Variants in ATG16L1 observed in about 807,000 individuals in gnomAD.
ATG16L1 encodes autophagy related 16 like 1, also known as autophagy-related protein 16-1.
Under a neutral mutation model 88.5 loss-of-function variants are expected in ATG16L1, and 37 were observed. That is an observed-to-expected ratio of 0.42 (90% CI 0.32 to 0.55). The LOEUF (loss-of-function observed/expected upper bound fraction) is 0.55, where lower values mean the gene tolerates loss of function less well. Ranked by LOEUF, ATG16L1 falls within the 20% of genes least tolerant of loss-of-function variation. The pLI, the probability that ATG16L1 is intolerant of heterozygous loss-of-function variation, is 0.13. For synonymous variants in ATG16L1, 301 were observed against 281.0 expected (o/e 1.07, Z -0.71); for missense variants, 554 against 752.8 (o/e 0.74, Z 3.09).
At chr2:233,264,336 C>G (rs142758843) in intron 4 of ATG16L1, among the ~76,000 whole-genome samples, 241 of 152,318 alleles carry the variant, frequency 1.6e-3, no homozygotes, top group African/African-American at 5.7e-3. Context: ...TCTCCTGTGG[C>G]CGCTGTGTGT....
intron 14 of ATG16L1, among the ~76,000 whole-genome samples, chr2:233,291,246 A>C (rs1699442660): frequency 6.6e-6 from 1 of 152,168 alleles, no homozygotes; most frequent in Admixed American, 6.5e-5. Flanking sequence ...GACAATGCTC[A>C]TGGTTCCTGG....
chr2:233,283,984 A>C (rs1286726985), intron 12 of ATG16L1, among the ~76,000 whole-genome samples: 5 of 150,950 alleles, frequency 3.3e-5, no homozygotes, highest in Non-Finnish European at 7.4e-5. Context: ...AGCTGGGATT[A>C]CAGGCGCCCG....
intron 4 of ATG16L1, 36 bp from the exon 5 acceptor site, chr2:233,264,856 C>CACA (rs2125226407): frequency 6.2e-7 from 1 of 1,610,854 alleles, no homozygotes; most frequent in Non-Finnish European, 8.5e-7. Flanking sequence ...AGGGCTCTGG[C>CACA]GAGGTACTAT....
At position 233,273,708 on chromosome 2, in the gene ATG16L1, C is replaced by G. The variant is rs771541752; in HGVS notation, c.795-13C>G. 1 of 1,613,796 alleles carries G rather than the reference C, an allele frequency of 6.2e-7. No homozygotes were observed. Among genetic ancestry groups the G allele is most frequent in the East Asian group, 2.2e-5 (1 of 44,890 alleles). ...GTTTCTAAGGTTTAAACCTATCCTCCCCTCCTCTTTAGTAAGCGACTCTCG... is the reference window on the plus strand; with the variant it reads ...GTTTCTAAGGTTTAAACCTATCCTCGCCTCCTCTTTAGTAAGCGACTCTCG... On this transcript the variant is annotated splice_polypyrimidine_tract_variant and intron_variant, in intron 7 of 17. Coordinates refer to ENST00000392017, the MANE Select transcript of ATG16L1 (RefSeq NM_030803.7).
At chr2:233,289,776 A>G in intron 12 of ATG16L1, 78 bp from the exon 13 acceptor site, 9 of 1,573,410 alleles carry the variant, frequency 5.7e-6, no homozygotes, top group Non-Finnish European at 7.8e-6. Context: ...TCTGGAGGTA[A>G]GGATGCTGTG....
chr2:233,278,324 G>A (rs1286902887), intron 10 of ATG16L1, among the ~76,000 whole-genome samples: 1 of 152,160 alleles, frequency 6.6e-6, no homozygotes, highest in East Asian at 1.9e-4. Context: ...TGACGTTTTC[G>A]AGATTCAGTT....
At chr2:233,274,143 T>G in intron 8 of ATG16L1, 17 of 1,214,634 alleles carry the variant, frequency 1.4e-5, no homozygotes, top group Non-Finnish European at 1.9e-5. Flanking sequence ...GTTCACGTGC[T>G]AACGAGGATG....
intron 2 of ATG16L1, among the ~76,000 whole-genome samples, chr2:233,258,418 C>T (rs1158225336): frequency 6.6e-6 from 1 of 152,216 alleles, no homozygotes; most frequent in Non-Finnish European, 1.5e-5. Context: ...GATGGCTTGG[C>T]AGGGCCTAGC....
At chr2:233,252,896 T>C (rs979552590) in intron 1 of ATG16L1, among the ~76,000 whole-genome samples, 2 of 152,224 alleles carry the variant, frequency 1.3e-5, no homozygotes, top group Admixed American at 6.5e-5. Flanking sequence ...TCTCAAGTTA[T>C]GCTGTTGATG....
At chr2:233,275,253 C>T (rs1358178570) in intron 9 of ATG16L1, 2 of 200,662 alleles carry the variant, frequency 1.0e-5, no homozygotes, top group Non-Finnish European at 2.1e-5. Flanking sequence ...TGATGGATAC[C>T]AGGGCTGTCA....
At chr2:233,256,344 G>A in intron 2 of ATG16L1, 149 bp downstream of exon 2, 1 of 691,362 alleles carries the variant, frequency 1.4e-6, no homozygotes, top group Non-Finnish European at 2.5e-6. Context: ...CTAAAACCAT[G>A]TAATTACAAT....
At chr2:233,294,148 G>C in intron 17 of ATG16L1, 109 bp from the exon 18 acceptor site, 1 of 839,320 alleles carries the variant, frequency 1.2e-6, no homozygotes, top group East Asian at 2.8e-5. Flanking sequence ...TAAAATGGAA[G>C]TTGGAAAAAT....
chr2:233,277,353 G>A (rs3816234), intron 9 of ATG16L1: 214,618 of 456,458 alleles, frequency 0.47, 53,014 homozygotes, highest in Middle Eastern at 0.55. Context: ...TTTTTGAGAA[G>A]GTTGCACTGC....
intron 9 of ATG16L1, among the ~76,000 whole-genome samples, 153 bp downstream of exon 9, chr2:233,274,931 G>A (rs1408665924): frequency 2.0e-5 from 3 of 152,184 alleles, no homozygotes; most frequent in Non-Finnish European, 2.9e-5. Flanking sequence ...GTGAGAAATT[G>A]ATATATTTTG....
intron 12 of ATG16L1, among the ~76,000 whole-genome samples, chr2:233,288,024 T>G (rs887679852): frequency 1.3e-5 from 2 of 152,186 alleles, no homozygotes; most frequent in African/African-American, 2.4e-5. Flanking sequence ...GGAGCTTTCT[T>G]GATCTTACGG....
chr2:233,260,584 C>T (rs1230420549), intron 2 of ATG16L1, among the ~76,000 whole-genome samples: 9 of 152,330 alleles, frequency 5.9e-5, no homozygotes, highest in Admixed American at 3.9e-4. Context: ...AACATGCCCT[C>T]GGAGTGATTG....
At chr2:233,258,047 A>C (rs1696939138) in intron 2 of ATG16L1, among the ~76,000 whole-genome samples, 1 of 148,040 alleles carries the variant, frequency 6.8e-6, no homozygotes, top group African/African-American at 2.5e-5. Context: ...CTATATATCT[A>C]TATCTATCTC....
intron 4 of ATG16L1, among the ~76,000 whole-genome samples, chr2:233,264,641 T>G (rs569803530): frequency 6.6e-6 from 1 of 152,276 alleles, no homozygotes; most frequent in South Asian, 2.1e-4. Flanking sequence ...CAGCCTCCTT[T>G]TAAATCCCCT....
At chr2:233,267,261 A>G (rs1697667787) in intron 5 of ATG16L1, among the ~76,000 whole-genome samples, 1 of 152,248 alleles carries the variant, frequency 6.6e-6, no homozygotes. Flanking sequence ...AGGCAGGAGA[A>G]TCGCTTGAAC....
Sources: allele counts gnomAD v4.1 joint callset (sites outside exome capture counted in the v4.1 genomes callset), GRCh38; gene constraint gnomAD v4.1.1; transcripts MANE v1.5; gene names NCBI Gene and HGNC (gene_info 2026-07-23, HGNC 2026-07-21).